Variants in CELF2 observed in about 807,000 individuals in gnomAD.
CELF2 encodes the protein CUG triplet repeat RNA-binding protein 2.
Under a neutral mutation model 62.6 loss-of-function variants are expected in CELF2, and 8 were observed. The observed-to-expected ratio is 0.13, with a 90% CI of 0.07 to 0.23. The LOEUF (loss-of-function observed/expected upper bound fraction) is 0.23. Among genes scored for constraint, CELF2 ranks in the 10% least tolerant of loss-of-function variants. The pLI, the probability that CELF2 is intolerant of heterozygous loss-of-function variation, is 1.00. For missense variants in CELF2, 333 were observed against 671.0 expected (o/e 0.50, Z 5.56); for synonymous variants, 258 against 250.0 (o/e 1.03, Z -0.30).
the CELF2 span, among the ~76,000 whole-genome samples, chr10:10,484,664 A>C: frequency 2.0e-5 from 3 of 151,974 alleles, no homozygotes; most frequent in Non-Finnish European, 2.9e-5. Flanking sequence ...TCGGTTAGGA[A>C]TACAAGCCTA....
chr10:10,926,175 TC>T (rs1236199316), intron 2 of CELF2, among the ~76,000 whole-genome samples: 1 of 152,088 alleles, frequency 6.6e-6, no homozygotes, highest in Non-Finnish European at 1.5e-5. Flanking sequence ...TCTGAATGTG[TC>T]CCCCACAATT....
At position 11,314,351 on chromosome 10, in the gene CELF2, G is replaced by A; in HGVS notation, c.1096+93G>A. 2 of 1,545,962 alleles carry A rather than the reference G, an allele frequency of 1.3e-6. No homozygotes were observed. The highest frequency in any genetic ancestry group is 8.9e-7 in the Non-Finnish European group (1 of 1,119,998). On this transcript the variant is annotated intron_variant, in intron 10 of 12. Transcript: ENST00000633077. This position sits in a 1 kb window ranked among gnomAD's most constrained non-coding sequence, Gnocchi z 5.3. ...GTCAGCCAGAAATGACCCGAAAAAG[G>A]ATATGCCACGGGGAGAACTAAAACT...
chr10:11,226,736 A>G (rs139454082), intron 3 of CELF2, among the ~76,000 whole-genome samples: 10 of 152,272 alleles, frequency 6.6e-5, no homozygotes, highest in African/African-American at 2.4e-4. Context: ...GTCCTGAAAA[A>G]CATTCAGCGA....
rs1430778314 is a variant in CELF2 at position 11,270,072 on chromosome 10, T to G, written c.619-594T>G. Among the ~76,000 whole-genome samples, 1 of 152,220 alleles carries G rather than the reference T, an allele frequency of 6.6e-6. No individual in the cohort carries two copies. Among genetic ancestry groups the G allele is most frequent in the Admixed American group, 6.5e-5 (1 of 15,284 alleles). The stretch of plus-strand genomic sequence containing the variant: ...GTGAACGGTTACTTTGGAGAATGCC[T>G]GTGTTCTCTGAATATCTTCTGCCCT... On this transcript the variant is annotated intron_variant, in intron 6 of 12. Coordinates refer to ENST00000633077, the MANE Select transcript of CELF2 (RefSeq NM_001326342.2). The surrounding 1 kb of genome is among the most constrained non-coding windows in gnomAD (Gnocchi z 5.8).
At chr10:10,747,458 G>T in the CELF2 span, among the ~76,000 whole-genome samples, 13,867 of 152,216 alleles carry the variant, frequency 0.091, 781 homozygotes, top group South Asian at 0.16. Context: ...AGGATACATT[G>T]CTAGATGGTG....
intron 1 of CELF2, among the ~76,000 whole-genome samples, chr10:11,090,440 T>TA (rs201806011): frequency 0.033 from 4,967 of 152,252 alleles, 117 homozygotes; most frequent in East Asian, 0.091. Flanking sequence ...TCCCAATTAA[T>TA]AAAAAATCAA....
the CELF2 span, among the ~76,000 whole-genome samples, chr10:10,716,886 T>C: frequency 6.6e-6 from 1 of 152,238 alleles, no homozygotes; most frequent in Non-Finnish European, 1.5e-5. Context: ...ATGACCCAGA[T>C]GCTTTAATTA....
At chr10:11,303,758 A>T (rs967713135) in intron 9 of CELF2, among the ~76,000 whole-genome samples, 2 of 152,250 alleles carry the variant, frequency 1.3e-5, no homozygotes, top group African/African-American at 4.8e-5. Context: ...TGCAGTAGCC[A>T]CTAGATAGAC....
chr10:10,791,267 TTGAG>T, the CELF2 span, among the ~76,000 whole-genome samples: 1 of 152,014 alleles, frequency 6.6e-6, no homozygotes, highest in African/African-American at 2.4e-5. Flanking sequence ...TTTTTATAGA[TTGAG>T]TGTGGTAAAC....
chr10:11,287,444 A>G (rs1190255349), intron 8 of CELF2, among the ~76,000 whole-genome samples: 1 of 152,236 alleles, frequency 6.6e-6, no homozygotes, highest in Non-Finnish European at 1.5e-5. Context: ...GCCCACCCCT[A>G]GATTGTTGCC....
intron 1 of CELF2, among the ~76,000 whole-genome samples, chr10:11,035,047 C>A (rs182667062): frequency 8.4e-4 from 128 of 152,188 alleles, no homozygotes; most frequent in African/African-American, 3.0e-3. Context: ...TAAAAGTGTC[C>A]AAGTTTGGAT....
intron 1 of CELF2, among the ~76,000 whole-genome samples, chr10:11,032,915 A>G (rs1435549867): frequency 6.6e-6 from 1 of 152,240 alleles, no homozygotes; most frequent in African/African-American, 2.4e-5. Context: ...TACCTTTTCT[A>G]ACATAAATGA....
Position 11,244,204 on chromosome 10 carries a change from T to A in CELF2, c.355-4949T>A, listed in dbSNP as rs1589724289. 2.0e-5 allele frequency among the ~76,000 whole-genome samples: 3 copies of A among 152,272 alleles called. No individual in the cohort carries two copies. Among genetic ancestry groups the A allele is most frequent in the Admixed American group, 2.0e-4 (3 of 15,290 alleles). ...AGAAGGGTGCTCAGGGTGTGGCCACTGGCTGCCGCCTGTCCTGGCACCTAG... is the reference window on the plus strand; with the variant it reads ...AGAAGGGTGCTCAGGGTGTGGCCACAGGCTGCCGCCTGTCCTGGCACCTAG... On this transcript the variant is annotated intron_variant, in intron 3 of 12. Coordinates refer to ENST00000633077, the MANE Select transcript of CELF2 (RefSeq NM_001326342.2). The surrounding 1 kb of genome is among the most constrained non-coding windows in gnomAD (Gnocchi z 4.2).
At chr10:10,843,438 C>A (rs962593970) in intron 1 of CELF2, among the ~76,000 whole-genome samples, 15 of 151,978 alleles carry the variant, frequency 9.9e-5, no homozygotes, top group Admixed American at 7.9e-4. Context: ...CTACATATTT[C>A]CCTCTAAGCA....
At chr10:10,661,718 T>C in the CELF2 span, among the ~76,000 whole-genome samples, 1 of 152,184 alleles carries the variant, frequency 6.6e-6, no homozygotes, top group African/African-American at 2.4e-5. Context: ...TCACTTTCCC[T>C]TGAAGCAGAG....
intron 3 of CELF2, among the ~76,000 whole-genome samples, chr10:11,229,284 A>G (rs1186962821): frequency 6.6e-6 from 1 of 152,238 alleles, no homozygotes; most frequent in Admixed American, 6.5e-5. Flanking sequence ...ATTTCATTCC[A>G]TGACTTGAGG....
the CELF2 span, among the ~76,000 whole-genome samples, chr10:10,759,290 A>G: frequency 2.8e-5 from 3 of 108,402 alleles, no homozygotes; most frequent in African/African-American, 9.9e-5. Flanking sequence ...CTCAGTGCCC[A>G]TTTTTCTTTT....
At chr10:11,289,106 C>T (rs1280270754) in intron 9 of CELF2, among the ~76,000 whole-genome samples, 3 of 152,188 alleles carry the variant, frequency 2.0e-5, no homozygotes, top group African/African-American at 7.2e-5. Flanking sequence ...TGTTCAAAAG[C>T]AGATGCCAGT....
intron 2 of CELF2, among the ~76,000 whole-genome samples, chr10:11,180,057 C>G (rs1438692683): frequency 2.0e-5 from 3 of 152,128 alleles, no homozygotes; most frequent in Non-Finnish European, 4.4e-5. Flanking sequence ...TGTTGGTGCT[C>G]CTCAGTCACT....
Sources: gnomAD v4.1 joint callset for allele counts (sites outside exome capture counted in the v4.1 genomes callset) on GRCh38, gnomAD v4.1.1 for gene constraint, Gnocchi (gnomAD v3.1) non-coding constraint, MANE v1.5 for transcripts, NCBI Gene and HGNC (gene_info 2026-07-23, HGNC 2026-07-21) for gene names.